The following IQCM variants were observed in gnomAD, a reference collection of about 807,000 sequenced individuals.
IQCM encodes IQ domain-containing protein M.
IQCM carries 45 observed loss-of-function variants against 57.6 expected under a neutral mutation model. The observed-to-expected ratio is 0.78, with a 90% CI of 0.62 to 1.00. The LOEUF is 1.00. IQCM is among the 50% of genes least tolerant of loss of function. The probability of loss-of-function intolerance (pLI) is 0.00; values close to 1 mark genes in which losing one functional copy is unlikely to be tolerated. For synonymous variants in IQCM, 148 were observed against 158.9 expected (o/e 0.93, Z 0.51); for missense variants, 468 against 511.6 (o/e 0.91, Z 0.82).
chr4:149,766,476 C>T (rs1034046667), intron 2 of IQCM, among the ~76,000 whole-genome samples: 3 of 152,122 alleles, frequency 2.0e-5, no homozygotes, highest in African/African-American at 7.2e-5. Flanking sequence ...CCAAGCAAGG[C>T]TCTGTTCCTG....
At chr4:149,659,085 A>G (rs948983802) in intron 7 of IQCM, among the ~76,000 whole-genome samples, 2 of 151,934 alleles carry the variant, frequency 1.3e-5, no homozygotes, top group African/African-American at 4.8e-5. Flanking sequence ...TTTCTCCTTT[A>G]TTAGTCTTGC....
chr4:149,452,988 C>T (rs539131105), intron 12 of IQCM, among the ~76,000 whole-genome samples: 38 of 149,632 alleles, frequency 2.5e-4, no homozygotes, highest in African/African-American at 7.4e-4. Flanking sequence ...AACTTGAACA[C>T]GTACCCTGTA....
chr4:149,784,848 A>C (rs1771936404), intron 2 of IQCM, among the ~76,000 whole-genome samples: 1 of 152,250 alleles, frequency 6.6e-6, no homozygotes, highest in African/African-American at 2.4e-5. Flanking sequence ...TCTGTACCAG[A>C]ATGTAAACCG....
intron 12 of IQCM, among the ~76,000 whole-genome samples, chr4:149,547,805 T>G (rs1418719939): frequency 6.6e-6 from 1 of 152,164 alleles, no homozygotes; most frequent in Non-Finnish European, 1.5e-5. Context: ...CAATTATACT[T>G]TGACAAAGCT....
chr4:149,788,852 A>G (rs776904545), intron 2 of IQCM, among the ~76,000 whole-genome samples: 3 of 152,202 alleles, frequency 2.0e-5, no homozygotes, highest in Non-Finnish European at 4.4e-5. Flanking sequence ...AGCAACATAG[A>G]TGGAACTGGA....
intron 13 of IQCM, among the ~76,000 whole-genome samples, chr4:149,358,453 T>A (rs745824333): frequency 5.9e-5 from 9 of 152,200 alleles, no homozygotes; most frequent in Non-Finnish European, 1.2e-4. Context: ...GTGTCTTTGT[T>A]CTTGTTGGTT....
intron 8 of IQCM, among the ~76,000 whole-genome samples, chr4:149,602,465 A>C (rs1754403145): frequency 6.6e-6 from 1 of 152,170 alleles, no homozygotes; most frequent in African/African-American, 2.4e-5. Flanking sequence ...GAATCAAGTG[A>C]CCAAAAACTT....
At chr4:149,605,563 T>G in intron 8 of IQCM, among the ~76,000 whole-genome samples, 1 of 152,164 alleles carries the variant, frequency 6.6e-6, no homozygotes, top group Non-Finnish European at 1.5e-5. Context: ...GCTAGGACAA[T>G]AGTAGGGTTA....
At chr4:149,545,488 C>T (rs1748300033) in intron 12 of IQCM, among the ~76,000 whole-genome samples, 1 of 152,084 alleles carries the variant, frequency 6.6e-6, no homozygotes, top group Non-Finnish European at 1.5e-5. Context: ...CAACAGTGAG[C>T]TATTACCTCA....
At chr4:149,486,486 C>T (rs772745238) in intron 12 of IQCM, among the ~76,000 whole-genome samples, 5 of 152,092 alleles carry the variant, frequency 3.3e-5, no homozygotes, top group Admixed American at 6.5e-5. Context: ...CTGTGGCTCA[C>T]GCCTGTAATC....
chr4:149,490,159 G>A (rs1741940396), intron 12 of IQCM, among the ~76,000 whole-genome samples: 1 of 151,540 alleles, frequency 6.6e-6, no homozygotes, highest in South Asian at 2.1e-4. Context: ...CTAAACTAAT[G>A]GTTCTAAAAA....
intron 7 of IQCM, among the ~76,000 whole-genome samples, chr4:149,633,411 T>C (rs1757461765): frequency 6.6e-6 from 1 of 152,078 alleles, no homozygotes; most frequent in Non-Finnish European, 1.5e-5. Flanking sequence ...CTTAAGAGGA[T>C]GAAGAAAATT....
intron 9 of IQCM, among the ~76,000 whole-genome samples, chr4:149,564,499 T>C (rs1347150655): frequency 1.3e-5 from 2 of 152,112 alleles, no homozygotes; most frequent in East Asian, 3.9e-4. Flanking sequence ...CCTGAGTGTG[T>C]CTGTGAGGAT....
Position 149,630,611 on chromosome 4 carries a change from A to G in IQCM, c.566-9367T>C, listed in dbSNP as rs933103113. Among the ~76,000 whole-genome samples the G allele has an allele frequency of 1.3e-5, 2 of 152,182 alleles. 1 individual carries two copies. Among genetic ancestry groups the G allele is most frequent in the African/African-American group, 4.8e-5 (2 of 41,448 alleles). ...TTCCAAGTTTATCGTGTATTGATAT[A>G]TGAATCATATGTACCTTACCTATTT... On this transcript the variant is annotated intron_variant, in intron 7 of 13. Transcript: ENST00000636793.
Position 149,433,529 on chromosome 4 carries a change from G to T in IQCM, c.1257C>A (p.Ile419=). The T allele has an allele frequency of 4.2e-6, 5 of 1,180,002 alleles. No individual in the cohort carries two copies. The highest frequency in any genetic ancestry group is 5.3e-6 in the Non-Finnish European group (5 of 941,024). 73.1% of individuals were successfully genotyped at this position (1,180,002 alleles called of 1,614,324 possible). Residue 419 remains isoleucine, a synonymous_variant, in exon 13 of 14, where the codon ATC becomes ATA. Coordinates refer to ENST00000636793, the MANE Select transcript of IQCM (RefSeq NM_001363507.2). ...QDGKEKYSEL[I]KKSKAIEMLF... The stretch of plus-strand genomic sequence containing the variant: ...ACATTTCAATTGCTTTGGACTTTTT[G>T]ATTAGTTCAGAATATTTTTCTTTGC...
intron 2 of IQCM, among the ~76,000 whole-genome samples, chr4:149,773,463 T>C (rs1770785607): frequency 6.6e-6 from 1 of 152,196 alleles, no homozygotes; most frequent in Non-Finnish European, 1.5e-5. Context: ...AATACACTCT[T>C]CTTAATCTTG....
At chr4:149,368,478 C>T (rs1729995781) in intron 13 of IQCM, among the ~76,000 whole-genome samples, 1 of 151,874 alleles carries the variant, frequency 6.6e-6, no homozygotes, top group African/African-American at 2.4e-5. Flanking sequence ...CAACCATTTC[C>T]ACCTTGTTAG....
chr4:149,726,112 A>AAAGAAAGG (rs1561203790), intron 5 of IQCM, among the ~76,000 whole-genome samples: 1 of 149,002 alleles, frequency 6.7e-6, no homozygotes, highest in Non-Finnish European at 1.5e-5. Context: ...AGAAAGAAAG[A>AAAGAAAGG]AAGAAAGAAA....
chr4:149,593,875 A>T (rs1753477615), intron 8 of IQCM, among the ~76,000 whole-genome samples: 1 of 151,996 alleles, frequency 6.6e-6, no homozygotes, highest in South Asian at 2.1e-4. Context: ...TTTATTGAGG[A>T]TCTTTGCATC....
Sources: allele counts gnomAD v4.1 joint callset (sites outside exome capture counted in the v4.1 genomes callset), GRCh38; gene constraint gnomAD v4.1.1; transcripts MANE v1.5; gene names NCBI Gene and HGNC (gene_info 2026-07-23, HGNC 2026-07-21).